LRRC7: variants seen among roughly 807,000 people sequenced by gnomAD.
LRRC7 encodes leucine-rich repeat-containing protein 7.
Under a neutral mutation model 175.7 loss-of-function variants are expected in LRRC7, and 23 were observed. The ratio of observed to expected loss-of-function variants is 0.13; its 90% CI spans 0.09 to 0.19. The LOEUF (loss-of-function observed/expected upper bound fraction) is 0.19, where lower values mean the gene tolerates loss of function less well. Ranked by LOEUF, LRRC7 falls within the 10% of genes least tolerant of loss-of-function variation. The pLI is 1.00. For missense variants in LRRC7, 1,354 were observed against 1,904.7 expected, an observed-to-expected ratio of 0.71 and a Z score of 5.38; for synonymous variants, 685 against 680.9, an observed-to-expected ratio of 1.01 and a Z score of -0.09.
At chr1:69,752,158 G>A (rs1365097565) in intron 2 of LRRC7, among the ~76,000 whole-genome samples, 2 of 152,112 alleles carry the variant, frequency 1.3e-5, no homozygotes, top group Non-Finnish European at 2.9e-5. Flanking sequence ...TGATAAAGGG[G>A]TTTCAGAGAT....
chr1:69,583,933 T>C (rs1199988744), intron 1 of LRRC7, among the ~76,000 whole-genome samples: 1 of 152,154 alleles, frequency 6.6e-6, no homozygotes, highest in African/African-American at 2.4e-5. Flanking sequence ...GGACTGCCAG[T>C]TCTGCCTCTT....
intron 2 of LRRC7, among the ~76,000 whole-genome samples, chr1:69,709,578 A>G (rs779855310): frequency 6.6e-6 from 1 of 152,098 alleles, no homozygotes; most frequent in Non-Finnish European, 1.5e-5. Context: ...TGTTCAATGA[A>G]TGAATGAATG....
chr1:69,684,129 T>C lies in LRRC7; in HGVS notation c.100+5651T>C, dbSNP rs1230032876. ...ATGTACTGTATAAAAATCAGTTATA[T>C]AAGATCCATACCCAGATACATACAG... On this transcript the variant is annotated intron_variant, in intron 2 of 26. Coordinates refer to ENST00000651989, the MANE Select transcript of LRRC7 (RefSeq NM_001370785.2). 2.0e-5 allele frequency among the ~76,000 whole-genome samples: 3 copies of C among 152,196 alleles called. No homozygotes were observed. In the East Asian group the frequency reaches 5.8e-4, roughly 29 times the overall value.
At chr1:70,010,516 G>T (rs543635582) in intron 11 of LRRC7, among the ~76,000 whole-genome samples, 6 of 152,230 alleles carry the variant, frequency 3.9e-5, no homozygotes, top group African/African-American at 1.4e-4. Context: ...AGTGAGCTGA[G>T]TTTGTGCCAC....
At chr1:69,709,655 G>A (rs1196777428) in intron 2 of LRRC7, among the ~76,000 whole-genome samples, 1 of 152,158 alleles carries the variant, frequency 6.6e-6, no homozygotes, top group Admixed American at 6.5e-5. Flanking sequence ...CTAACAAACA[G>A]AATCATTATC....
intron 7 of LRRC7, among the ~76,000 whole-genome samples, chr1:69,851,921 C>T (rs567010645): frequency 6.6e-6 from 1 of 152,178 alleles, no homozygotes; most frequent in African/African-American, 2.4e-5. Flanking sequence ...GACAAGGAAA[C>T]ATAGGTTGTT....
intron 25 of LRRC7, among the ~76,000 whole-genome samples, chr1:70,091,188 G>T (rs1458601718): frequency 6.6e-6 from 1 of 152,126 alleles, no homozygotes; most frequent in African/African-American, 2.4e-5. Flanking sequence ...ATTTTGAAAT[G>T]ATGTTGAGGA....
intron 8 of LRRC7, among the ~76,000 whole-genome samples, chr1:69,949,267 C>G (rs1361622349): frequency 1.3e-5 from 2 of 152,092 alleles, no homozygotes; most frequent in East Asian, 1.9e-4. Flanking sequence ...GTATGTGCAT[C>G]TTTTTCACTT....
At chr1:69,678,265 T>C in intron 1 of LRRC7, 116 bp from the exon 2 acceptor site, 1 of 704,988 alleles carries the variant, frequency 1.4e-6, no homozygotes, top group South Asian at 1.8e-5. Context: ...TGCCGGATCA[T>C]CTTCATGGTG....
chr1:69,602,846 T>C (rs1320597981), intron 1 of LRRC7, among the ~76,000 whole-genome samples: 1 of 152,206 alleles, frequency 6.6e-6, no homozygotes, highest in African/African-American at 2.4e-5. Context: ...TACTGTATCT[T>C]TTTATGTTAA....
intron 1 of LRRC7, among the ~76,000 whole-genome samples, chr1:69,587,862 C>T (rs751979238): frequency 3.7e-4 from 56 of 152,260 alleles, no homozygotes; most frequent in Non-Finnish European, 6.6e-4. Context: ...GCCTCCCAGC[C>T]ATGTGGAACT....
chr1:69,896,421 A>G (rs536232716), intron 7 of LRRC7, among the ~76,000 whole-genome samples: 208 of 152,272 alleles, frequency 1.4e-3, no homozygotes, highest in Non-Finnish European at 2.3e-3. Flanking sequence ...ATATATTTGT[A>G]CCCATTAATC....
intron 25 of LRRC7, among the ~76,000 whole-genome samples, chr1:70,103,667 C>G (rs1016464074): frequency 6.6e-6 from 1 of 152,114 alleles, no homozygotes; most frequent in Non-Finnish European, 1.5e-5. Flanking sequence ...AAGTTTTAAG[C>G]CACTAGGTTT....
At chr1:70,053,879 T>C (rs1660930311) in intron 23 of LRRC7, among the ~76,000 whole-genome samples, 1 of 152,100 alleles carries the variant, frequency 6.6e-6, no homozygotes, top group Admixed American at 6.5e-5. Flanking sequence ...GGTAAATAAA[T>C]ACTAAAACAA....
rs532617490 is a variant in LRRC7 at position 69,782,711 on chromosome 1, C to G, written c.304-9332C>G. Among the ~76,000 whole-genome samples, 3 of 152,204 alleles carry G rather than the reference C, an allele frequency of 2.0e-5. No homozygotes were observed. In the South Asian group the frequency reaches 6.2e-4, roughly 32 times the overall value. On this transcript the variant is annotated intron_variant, in intron 3 of 26. Transcript: ENST00000651989. ...GGACTGTCCTGAAGAGAGCAGACAA[C>G]TACTGAAAAATTATGAGGAGGAGAT...
chr1:70,136,075 CTGTGTGTGTGTG>C lies in LRRC7; in HGVS notation c.*14200_*14211del, dbSNP rs10526637. On this transcript the variant is annotated 3_prime_UTR_variant, in exon 27 of 27. Transcript: ENST00000651989. ...TCTCTGTGTGTGTCTGTGTGTGTGT[CTGTGTGTGTGTG>C]TGTGTGTGTGTCTATATATCTTATC... 6.0e-5 allele frequency among the ~76,000 whole-genome samples: 9 copies of C among 149,254 alleles called. No homozygotes were observed. Among genetic ancestry groups the C allele is most frequent in the African/African-American group, 2.0e-4 (8 of 40,504 alleles).
chr1:69,669,093 A>G (rs1488986188), intron 1 of LRRC7, among the ~76,000 whole-genome samples: 1 of 152,094 alleles, frequency 6.6e-6, no homozygotes, highest in Non-Finnish European at 1.5e-5. Context: ...TCTACTTAAG[A>G]TAAGAATAGT....
intron 1 of LRRC7, among the ~76,000 whole-genome samples, chr1:69,585,218 C>T (rs181053001): frequency 6.6e-6 from 1 of 150,872 alleles, no homozygotes; most frequent in East Asian, 1.9e-4. Context: ...TTGAGGAACT[C>T]ATCTAGGCAT....
intron 7 of LRRC7, among the ~76,000 whole-genome samples, chr1:69,890,199 C>A (rs6424606): frequency 0.56 from 84,414 of 152,010 alleles, 23,503 homozygotes; most frequent in East Asian, 0.7. Flanking sequence ...CTATCTGGCT[C>A]TACAAAATGT....
Sources: gnomAD v4.1 joint callset for allele counts (sites outside exome capture counted in the v4.1 genomes callset) on GRCh38, gnomAD v4.1.1 for gene constraint, MANE v1.5 for transcripts, NCBI Gene and HGNC (gene_info 2026-07-23, HGNC 2026-07-21) for gene names.